Variants in PTPRN2 observed in about 807,000 individuals in gnomAD.
PTPRN2 encodes the protein receptor-type tyrosine-protein phosphatase N2.
In PTPRN2, 74 loss-of-function variants were observed where a neutral mutation model predicts 118.8. The observed-to-expected ratio is 0.62, with a 90% confidence interval of 0.52 to 0.76. The LOEUF (loss-of-function observed/expected upper bound fraction) is 0.76. Ranked by LOEUF, PTPRN2 falls within the 30% of genes least tolerant of loss-of-function variation. The pLI is 0.00. For missense variants in PTPRN2, 1,481 were observed against 1,394.4 expected, an observed-to-expected ratio of 1.06 and a Z score of -0.99; for synonymous variants, 641 against 608.0, an observed-to-expected ratio of 1.05 and a Z score of -0.80.
intron 13 of PTPRN2, among the ~76,000 whole-genome samples, chr7:157,680,595 C>A (rs1249936867): frequency 6.6e-6 from 1 of 152,230 alleles, no homozygotes; most frequent in Admixed American, 6.5e-5. Flanking sequence ...GCGTCCTGCT[C>A]CGCCAAAACA....
At chr7:157,817,614 G>A (rs1021816250) in intron 12 of PTPRN2, among the ~76,000 whole-genome samples, 11 of 152,168 alleles carry the variant, frequency 7.2e-5, no homozygotes, top group African/African-American at 2.4e-4. Context: ...AGGACCTGTC[G>A]ACCAGGGACA....
In PTPRN2 at chr7:158,271,806, C is replaced by T. The variant is rs373344056; in HGVS notation, c.277+45013G>A. Among the ~76,000 whole-genome samples, 32 of 152,270 alleles carry T rather than the reference C, an allele frequency of 2.1e-4. 1 individual carries two copies. In the South Asian group the frequency reaches 6.7e-3, roughly 32 times the overall value. Reference sequence around the variant, plus strand: ...AAGGGGTGAAGAAGCGTCCTGAGGCCTCTTTCAGAAGCGCATTAGCCCATC... The same window carrying T: ...AAGGGGTGAAGAAGCGTCCTGAGGCTTCTTTCAGAAGCGCATTAGCCCATC... On this transcript the variant is annotated intron_variant, in intron 3 of 22. Transcript: ENST00000389418.
At chr7:158,145,910 C>G (rs1485121991) in intron 6 of PTPRN2, among the ~76,000 whole-genome samples, 1 of 152,200 alleles carries the variant, frequency 6.6e-6, no homozygotes, top group Non-Finnish European at 1.5e-5. Flanking sequence ...TGGTTTGGGG[C>G]AAGCTCGCTC....
chr7:158,551,085 C>A (rs1274974758), intron 1 of PTPRN2, among the ~76,000 whole-genome samples: 1 of 152,242 alleles, frequency 6.6e-6, no homozygotes, highest in Non-Finnish European at 1.5e-5. Flanking sequence ...GGCAGAACAC[C>A]AGGGCAGGGC....
At position 158,098,611 on chromosome 7, in the gene PTPRN2, G is replaced by A. The variant is rs143681112; in HGVS notation, c.1643+12218C>T. ...CTCTGTGAAACCAGAGGCTCCCCGA[G>A]GCACACGCCTCCCTCGCCCGCCCCG... On this transcript the variant is annotated intron_variant, in intron 10 of 22. Coordinates refer to ENST00000389418, the MANE Select transcript of PTPRN2 (RefSeq NM_002847.5). Among the ~76,000 whole-genome samples, 4 of 152,316 alleles carry A rather than the reference G, an allele frequency of 2.6e-5. No individual in the cohort carries two copies. In the South Asian group the frequency reaches 8.3e-4, roughly 32 times the overall value.
At chr7:157,956,585 A>G (rs1421886439) in intron 11 of PTPRN2, among the ~76,000 whole-genome samples, 8 of 152,254 alleles carry the variant, frequency 5.3e-5, no homozygotes. Context: ...CAGCCTGCAC[A>G]CAGTGAACAA....
At chr7:157,626,536 C>A (rs1803580437) in intron 14 of PTPRN2, among the ~76,000 whole-genome samples, 2 of 152,106 alleles carry the variant, frequency 1.3e-5, no homozygotes, top group Non-Finnish European at 2.9e-5. Context: ...ATCTTTCTTC[C>A]CTATAACCCA....
chr7:158,148,621 C>T (rs13309694), intron 6 of PTPRN2, among the ~76,000 whole-genome samples: 1 of 132,244 alleles, frequency 7.6e-6, no homozygotes, highest in Non-Finnish European at 1.7e-5. Context: ...TGTCTTTCCC[C>T]CTCACTGACA....
intron 2 of PTPRN2, among the ~76,000 whole-genome samples, chr7:158,333,408 T>G (rs1286057173): frequency 9.5e-6 from 1 of 104,982 alleles, no homozygotes. Context: ...CAGACGTCAC[T>G]CACACCCACA....
At position 157,656,562 on chromosome 7, in the gene PTPRN2, G is replaced by A. The variant is rs552313678; in HGVS notation, c.2002-11C>T. ...CTGGCGGCACAGCTCCTGCAGGACAGGGGGAGGAAGAGCAGGGGGTTAGTG... is the reference window on the plus strand; with the variant it reads ...CTGGCGGCACAGCTCCTGCAGGACAAGGGGAGGAAGAGCAGGGGGTTAGTG... On this transcript the variant is annotated splice_polypyrimidine_tract_variant and intron_variant, in intron 13 of 22. Coordinates refer to ENST00000389418, the MANE Select transcript of PTPRN2 (RefSeq NM_002847.5). 2.4e-4 allele frequency: 364 copies of A among 1,528,328 alleles called. 6 individuals carry two copies. In the South Asian group the frequency reaches 4.1e-3, roughly 17 times the overall value. 94.7% of individuals were successfully genotyped at this position (1,528,328 alleles called of 1,614,324 possible). A position where few individuals can be genotyped will look rare whatever the true frequency, so the allele number is the denominator to read the frequency against.
chr7:157,918,224 G>C (rs2128767531), intron 11 of PTPRN2, among the ~76,000 whole-genome samples: 1 of 152,348 alleles, frequency 6.6e-6, no homozygotes, highest in South Asian at 2.1e-4. Flanking sequence ...TGGGAGAAAT[G>C]AGGTATCCTG....
intron 1 of PTPRN2, among the ~76,000 whole-genome samples, chr7:158,550,501 C>A (rs1182775538): frequency 6.6e-6 from 1 of 152,260 alleles, no homozygotes; most frequent in Non-Finnish European, 1.5e-5. Flanking sequence ...GGCTTGCAGG[C>A]CCACAGGCCC....
At chr7:158,354,630 T>C (rs1808247338) in intron 2 of PTPRN2, among the ~76,000 whole-genome samples, 1 of 151,450 alleles carries the variant, frequency 6.6e-6, no homozygotes, top group Admixed American at 6.6e-5. Context: ...AAATACACAA[T>C]CAGAGGAGGA....
chr7:157,923,594 G>A (rs932321480), intron 11 of PTPRN2, among the ~76,000 whole-genome samples: 6 of 152,152 alleles, frequency 3.9e-5, no homozygotes, highest in South Asian at 2.1e-4. Flanking sequence ...GGGGGCAAAC[G>A]TCCAAATGTC....
At chr7:158,153,892 GTGTGCT>G (rs1424599993) in intron 6 of PTPRN2, among the ~76,000 whole-genome samples, 9 of 86,188 alleles carry the variant, frequency 1.0e-4, no homozygotes, top group Non-Finnish European at 1.7e-4. Flanking sequence ...GGCACCCTGG[GTGTGCT>G]CGCTCGGAAG....
intron 10 of PTPRN2, among the ~76,000 whole-genome samples, chr7:158,104,003 A>G (rs1320088121): frequency 6.6e-6 from 1 of 152,030 alleles, no homozygotes; most frequent in African/African-American, 2.4e-5. Flanking sequence ...CTGGGATTAC[A>G]GGCACCTGCC....
At chr7:157,806,579 T>A (rs1805647999) in intron 12 of PTPRN2, among the ~76,000 whole-genome samples, 1 of 152,236 alleles carries the variant, frequency 6.6e-6, no homozygotes, top group African/African-American at 2.4e-5. Flanking sequence ...TATACATGTA[T>A]ATGCGTGTAC....
intron 9 of PTPRN2, among the ~76,000 whole-genome samples, chr7:158,127,138 A>T (rs1340303056): frequency 6.6e-6 from 1 of 152,154 alleles, no homozygotes; most frequent in African/African-American, 2.4e-5. Context: ...CACTTTTTGC[A>T]CATTCTTCCC....
At chr7:158,505,281 C>T (rs1203040811) in intron 1 of PTPRN2, among the ~76,000 whole-genome samples, 1 of 152,210 alleles carries the variant, frequency 6.6e-6, no homozygotes, top group Non-Finnish European at 1.5e-5. Context: ...CAGGCAAGGC[C>T]ATGCTTTGGG....
Sources: gnomAD v4.1 joint callset for allele counts (sites outside exome capture counted in the v4.1 genomes callset) on GRCh38, gnomAD v4.1.1 for gene constraint, MANE v1.5 for transcripts, NCBI Gene and HGNC (gene_info 2026-07-23, HGNC 2026-07-21) for gene names.